MACROD2: variants seen among roughly 807,000 people sequenced by gnomAD.
MACROD2 encodes mono-ADP ribosylhydrolase 2.
MACROD2 carries 36 observed loss-of-function variants against 70.4 expected under a neutral mutation model. That is an observed-to-expected ratio of 0.51 (90% CI 0.39 to 0.68). MACROD2 has a LOEUF of 0.68. MACROD2 is among the 30% of genes least tolerant of loss of function. MACROD2 has a pLI of 0.00. For synonymous variants in MACROD2, 172 were observed against 178.8 expected, an observed-to-expected ratio of 0.96 and a Z score of 0.30; for missense variants, 496 against 538.4, an observed-to-expected ratio of 0.92 and a Z score of 0.78.
At chr20:15,134,461 A>G (rs932951645) in intron 5 of MACROD2, among the ~76,000 whole-genome samples, 6 of 152,038 alleles carry the variant, frequency 3.9e-5, no homozygotes, top group Admixed American at 2.0e-4. Flanking sequence ...CTGCTCCTGA[A>G]TCACTACTGG....
At chr20:14,843,872 T>A (rs905004135) in intron 5 of MACROD2, among the ~76,000 whole-genome samples, 1 of 152,134 alleles carries the variant, frequency 6.6e-6, no homozygotes, top group Non-Finnish European at 1.5e-5. Flanking sequence ...TCTTTCAGCC[T>A]TAACTTATGG....
chr20:14,912,651 A>G (rs960864452), intron 5 of MACROD2, among the ~76,000 whole-genome samples: 1 of 152,188 alleles, frequency 6.6e-6, no homozygotes, highest in African/African-American at 2.4e-5. Context: ...TAAGGAACAG[A>G]TATCTGGTCA....
intron 6 of MACROD2, among the ~76,000 whole-genome samples, chr20:15,359,198 C>A (rs969476899): frequency 7.9e-5 from 12 of 152,278 alleles, no homozygotes; most frequent in Non-Finnish European, 1.6e-4. Flanking sequence ...AAAGAAGAAA[C>A]TGCTCATCTT....
intron 2 of MACROD2, among the ~76,000 whole-genome samples, chr20:14,034,958 A>G (rs2053290041): frequency 6.6e-6 from 1 of 152,074 alleles, no homozygotes; most frequent in Non-Finnish European, 1.5e-5. Context: ...ATTATGTTTT[A>G]TGATTTTTTT....
At chr20:15,003,044 A>T (rs2075008148) in intron 5 of MACROD2, among the ~76,000 whole-genome samples, 1 of 152,160 alleles carries the variant, frequency 6.6e-6, no homozygotes, top group Admixed American at 6.5e-5. Flanking sequence ...ATTTTCTATT[A>T]CTGTTGAGAG....
At chr20:14,037,901 G>A (rs1005467608) in intron 2 of MACROD2, among the ~76,000 whole-genome samples, 1 of 152,170 alleles carries the variant, frequency 6.6e-6, no homozygotes, top group Non-Finnish European at 1.5e-5. Flanking sequence ...TGTAGCCTCG[G>A]CTACTCAGGA....
intron 10 of MACROD2, among the ~76,000 whole-genome samples, chr20:15,920,360 C>T (rs180935048): frequency 4.4e-4 from 67 of 152,148 alleles, no homozygotes; most frequent in African/African-American, 1.3e-3. Context: ...AAATGTACAA[C>T]GCAGACAAGA....
intron 6 of MACROD2, among the ~76,000 whole-genome samples, chr20:15,296,051 C>T (rs1359937781): frequency 6.6e-6 from 1 of 152,140 alleles, no homozygotes; most frequent in African/African-American, 2.4e-5. Context: ...CCTGTTGCAC[C>T]CTTGCAACAT....
chr20:14,691,713 G>A (rs184560306), intron 5 of MACROD2, among the ~76,000 whole-genome samples: 2 of 152,166 alleles, frequency 1.3e-5, no homozygotes, highest in South Asian at 4.1e-4. Flanking sequence ...CTCCCAGCAG[G>A]TGTCTGATTG....
intron 3 of MACROD2, among the ~76,000 whole-genome samples, chr20:14,183,697 C>T (rs2081323152): frequency 6.6e-6 from 1 of 152,100 alleles, no homozygotes; most frequent in African/African-American, 2.4e-5. Context: ...ACACTAGCAT[C>T]TGTTATTTTG....
intron 8 of MACROD2, among the ~76,000 whole-genome samples, chr20:15,794,841 C>T (rs904486268): frequency 2.0e-5 from 3 of 152,252 alleles, no homozygotes; most frequent in African/African-American, 7.2e-5. Flanking sequence ...TTCTCTCAAA[C>T]CATATGCCAC....
At chr20:14,135,506 A>G (rs1341798577) in intron 3 of MACROD2, among the ~76,000 whole-genome samples, 1 of 148,520 alleles carries the variant, frequency 6.7e-6, no homozygotes, top group African/African-American at 2.5e-5. Flanking sequence ...TGTCTCTACA[A>G]TTTTTTTTTT....
chr20:14,684,851 T>G lies in MACROD2; in HGVS notation c.310T>G (p.Cys104Gly), dbSNP rs946213066. ...SLLGGGGVDGCIHRAAGPCLL... is the reference protein window; with the variant it reads ...SLLGGGGVDGGIHRAAGPCLL... ...TCTTCTTTCTCCCTTAGTGGATGGCTGTATTCATAGAGCAGCCGGCCCCTG... is the reference window on the plus strand; with the variant it reads ...TCTTCTTTCTCCCTTAGTGGATGGCGGTATTCATAGAGCAGCCGGCCCCTG... Residue 104 changes from cysteine (C) to glycine (G), a missense_variant, in exon 5 of 18, where the codon TGT becomes GGT. By Grantham distance (159) the Cys-to-Gly change is radical (BLOSUM62 -3). Coordinates refer to ENST00000684519, the MANE Select transcript of MACROD2 (RefSeq NM_001351661.2). 6.2e-7 allele frequency: 1 copy of G among 1,613,672 alleles called. No homozygotes were observed. Among genetic ancestry groups the G allele is most frequent in the Non-Finnish European group, 8.5e-7 (1 of 1,179,596 alleles).
intron 2 of MACROD2, chr20:14,003,780 TA>T (rs34857997): frequency 0.44 from 150,269 of 341,064 alleles, 17,413 homozygotes; most frequent in African/African-American, 0.57. Flanking sequence ...GTACAAAGGT[TA>T]AAAAAAAAAA....
chr20:15,633,774 T>G (rs1323546198), intron 8 of MACROD2, among the ~76,000 whole-genome samples: 2 of 152,232 alleles, frequency 1.3e-5, no homozygotes, highest in African/African-American at 4.8e-5. Context: ...GTTTATTTTT[T>G]ATGGCTTTGT....
At chr20:15,484,339 T>C (rs577860395) in intron 7 of MACROD2, among the ~76,000 whole-genome samples, 98 of 152,240 alleles carry the variant, frequency 6.4e-4, no homozygotes, top group African/African-American at 2.3e-3. Flanking sequence ...GGGGAAGTAT[T>C]ATATAGTTAT....
intron 3 of MACROD2, among the ~76,000 whole-genome samples, chr20:14,274,468 A>G (rs36149768): frequency 0.37 from 55,643 of 151,850 alleles, 12,250 homozygotes; most frequent in Non-Finnish European, 0.49. Flanking sequence ...AAAACTCTCA[A>G]TAAATTAGGT....
intron 5 of MACROD2, among the ~76,000 whole-genome samples, chr20:15,135,902 G>C (rs1171196568): frequency 6.6e-6 from 1 of 151,866 alleles, no homozygotes; most frequent in African/African-American, 2.4e-5. Context: ...AAAATCACAA[G>C]CATTCTTATA....
rs192268662 is a variant in MACROD2 at position 16,048,331 on chromosome 20, C to A, written c.1301-1499C>A. On this transcript the variant is annotated intron_variant, in intron 17 of 17. Coordinates refer to ENST00000684519, the MANE Select transcript of MACROD2 (RefSeq NM_001351661.2). ...AAATAACTACATTTGAATGACAAAA[C>A]AAATAAAAGCAGACCTAAAACAATA... 5.2e-3 allele frequency among the ~76,000 whole-genome samples: 791 copies of A among 151,344 alleles called. 9 individuals are homozygous for A. Among genetic ancestry groups the A allele is most frequent in the African/African-American group, 0.018 (740 of 41,310 alleles).
Sources: gnomAD v4.1 joint callset for allele counts (sites outside exome capture counted in the v4.1 genomes callset) on GRCh38, gnomAD v4.1.1 for gene constraint, MANE v1.5 for transcripts, NCBI Gene and HGNC (gene_info 2026-07-23, HGNC 2026-07-21) for gene names.